Variants in ACTR3C observed in about 807,000 individuals in gnomAD.
ACTR3C encodes actin-related protein 3C.
Under a neutral mutation model 26.3 loss-of-function variants are expected in ACTR3C, and 18 were observed. That is an observed-to-expected ratio of 0.68 (90% CI 0.47 to 1.01). The LOEUF is 1.01. Ranked by LOEUF, ACTR3C falls within the 50% of genes least tolerant of loss-of-function variation. The probability of loss-of-function intolerance (pLI) is 0.00; values close to 1 mark genes in which losing one functional copy is unlikely to be tolerated. For missense variants in ACTR3C, 184 were observed against 250.7 expected, an observed-to-expected ratio of 0.73 and a Z score of 1.80; for synonymous variants, 55 against 94.5, an observed-to-expected ratio of 0.58 and a Z score of 2.42.
chr7:150,291,262 C>T (rs2129612963), intron 3 of ACTR3C, among the ~76,000 whole-genome samples: 1 of 152,294 alleles, frequency 6.6e-6, no homozygotes, highest in Non-Finnish European at 1.5e-5. Context: ...GAAACCCCAT[C>T]TCTACTAAAA....
At chr7:150,015,758 C>T in the ACTR3C span, among the ~76,000 whole-genome samples, 16,485 of 122,946 alleles carry the variant, frequency 0.13, 330 homozygotes, top group African/African-American at 0.24. Flanking sequence ...CCAGCCTACT[C>T]CATGCCACAG....
At chr7:150,069,857 A>T in the ACTR3C span, among the ~76,000 whole-genome samples, 1 of 149,882 alleles carries the variant, frequency 6.7e-6, no homozygotes, top group South Asian at 2.1e-4. Context: ...TTGGCAGCAG[A>T]TCAGGCTGTG....
chr7:149,950,352 G>C, the ACTR3C span, among the ~76,000 whole-genome samples: 5 of 146,554 alleles, frequency 3.4e-5, no homozygotes, highest in Non-Finnish European at 5.9e-5. Context: ...TGCGAGACGG[G>C]GGGAGGGAGG....
chr7:150,213,348 CGTAGCCTGTGAGTCA>C, the ACTR3C span, among the ~76,000 whole-genome samples: 2 of 152,022 alleles, frequency 1.3e-5, no homozygotes, highest in Non-Finnish European at 2.9e-5. Context: ...TGCCATGTCC[CGTAGCCTGTGAGTCA>C]GTGGCTGATC....
the ACTR3C span, among the ~76,000 whole-genome samples, chr7:150,222,875 C>T: frequency 1.1e-4 from 16 of 152,256 alleles, no homozygotes; most frequent in South Asian, 2.1e-4. Flanking sequence ...TTCCATGGCA[C>T]GAATAGTTTT....
At chr7:150,102,719 C>T in the ACTR3C span, among the ~76,000 whole-genome samples, 3 of 151,568 alleles carry the variant, frequency 2.0e-5, no homozygotes, top group South Asian at 2.1e-4. Flanking sequence ...TTCAACAGGG[C>T]CACCTTCCAT....
At chr7:150,043,299 G>A in the ACTR3C span, among the ~76,000 whole-genome samples, 1 of 151,190 alleles carries the variant, frequency 6.6e-6, no homozygotes, top group African/African-American at 2.4e-5. Flanking sequence ...GGGAAGAGGG[G>A]CTGGCTCTCA....
chr7:150,321,483 C>T (rs1053040435), intron 1 of ACTR3C, among the ~76,000 whole-genome samples: 4 of 152,144 alleles, frequency 2.6e-5, no homozygotes, highest in Non-Finnish European at 5.9e-5. Context: ...CACACACCTG[C>T]AATCCCAGCA....
At chr7:149,899,112 T>A in the ACTR3C span, among the ~76,000 whole-genome samples, 1 of 149,636 alleles carries the variant, frequency 6.7e-6, no homozygotes, top group African/African-American at 2.5e-5. Flanking sequence ...CCTGCTGGAG[T>A]AGTGTCAGAA....
intron 1 of ACTR3C, among the ~76,000 whole-genome samples, chr7:150,319,624 G>A (rs1246311963): frequency 6.6e-6 from 1 of 152,226 alleles, no homozygotes; most frequent in Non-Finnish European, 1.5e-5. Flanking sequence ...GGAAGATGGA[G>A]GCAAAGCACT....
chr7:150,212,302 C>T, the ACTR3C span, among the ~76,000 whole-genome samples: 2 of 149,130 alleles, frequency 1.3e-5, no homozygotes, highest in Non-Finnish European at 2.9e-5. Context: ...ACAAATAAAA[C>T]CAGAAAAAAC....
chr7:150,031,764 G>A, the ACTR3C span, among the ~76,000 whole-genome samples: 9 of 152,310 alleles, frequency 5.9e-5, no homozygotes, highest in African/African-American at 1.9e-4. Context: ...AACTGCTTAC[G>A]TAGTGGTATT....
At chr7:150,304,080 C>G (rs1280103774) in intron 1 of ACTR3C, among the ~76,000 whole-genome samples, 2 of 152,156 alleles carry the variant, frequency 1.3e-5, no homozygotes, top group African/African-American at 4.8e-5. Flanking sequence ...AATACAAATC[C>G]TCAAGGAAGC....
the ACTR3C span, among the ~76,000 whole-genome samples, chr7:150,014,411 G>A: frequency 1.4e-5 from 2 of 145,138 alleles, no homozygotes; most frequent in African/African-American, 2.6e-5. Context: ...AGCTGAGATC[G>A]CACCACTGCA....
the ACTR3C span, among the ~76,000 whole-genome samples, chr7:149,925,938 C>A: frequency 6.6e-6 from 1 of 152,034 alleles, no homozygotes; most frequent in Non-Finnish European, 1.5e-5. Context: ...TGGCATGCAC[C>A]TGTAGTCCCA....
chr7:150,169,985 C>A, the ACTR3C span, among the ~76,000 whole-genome samples: 6,967 of 149,654 alleles, frequency 0.047, 268 homozygotes, highest in Non-Finnish European at 0.074. Flanking sequence ...CCCCCAAATT[C>A]AGTAGCTTAA....
At chr7:150,110,655 G>A in the ACTR3C span, among the ~76,000 whole-genome samples, 1,825 of 146,788 alleles carry the variant, frequency 0.012, 17 homozygotes, top group East Asian at 0.058. Flanking sequence ...GCTGGCAAGG[G>A]GCAAAACTGT....
At chr7:150,250,136 T>C (rs1832729320) in intron 6 of ACTR3C, among the ~76,000 whole-genome samples, 1 of 151,590 alleles carries the variant, frequency 6.6e-6, no homozygotes, top group African/African-American at 2.4e-5. Context: ...GTAAAGTGAT[T>C]GGATGTTTTT....
chr7:149,921,191 T>G, the ACTR3C span, among the ~76,000 whole-genome samples: 1 of 152,312 alleles, frequency 6.6e-6, no homozygotes, highest in African/African-American at 2.4e-5. Flanking sequence ...TGTCTTTTAT[T>G]TATTAATGTT....
Sources: allele counts gnomAD v4.1 joint callset (sites outside exome capture counted in the v4.1 genomes callset), GRCh38; gene constraint gnomAD v4.1.1; transcripts MANE v1.5; gene names NCBI Gene and HGNC (gene_info 2026-07-23, HGNC 2026-07-21).